Variants in ZNF320 observed in about 807,000 individuals in gnomAD.
ZNF320 encodes the protein zinc finger gene 320.
Under a neutral mutation model 6.8 loss-of-function variants are expected in ZNF320, and 2 were observed. That is an observed-to-expected ratio of 0.29 (90% CI 0.12 to 0.93). ZNF320 has a LOEUF of 0.93. ZNF320 is among the 40% of genes least tolerant of loss of function. ZNF320 has a pLI of 0.55. For synonymous variants in ZNF320, 208 were observed against 203.2 expected, an observed-to-expected ratio of 1.02 and a Z score of -0.20; for missense variants, 472 against 611.0, an observed-to-expected ratio of 0.77 and a Z score of 2.40.
upstream of ZNF320, among the ~76,000 whole-genome samples, chr19:52,899,193 C>G (rs1004212697): frequency 6.6e-6 from 1 of 152,176 alleles, no homozygotes; most frequent in African/African-American, 2.4e-5. Flanking sequence ...GAGCAGTAAG[C>G]AGCTTTTTAT....
At chr19:52,860,294 T>A (rs2094898154), downstream of ZNF320, among the ~76,000 whole-genome samples, 1 of 152,040 alleles carries the variant, frequency 6.6e-6, no homozygotes, top group South Asian at 2.1e-4. Context: ...AACTTATTAT[T>A]TTGTTGATTT....
chr19:52,876,210 A>C lies in ZNF320; in HGVS notation c.*4386T>G, dbSNP rs1422133197. 1 of 152,228 alleles carries C rather than the reference A, an allele frequency of 6.6e-6. No individual in the cohort carries two copies. The highest frequency in any genetic ancestry group is 1.5e-5 in the Non-Finnish European group (1 of 68,038). The allele number at this position is 152,228 out of a possible 1,614,324, so 9.4% of individuals were successfully genotyped here. A position where few individuals can be genotyped will look rare whatever the true frequency, so the allele number is the denominator to read the frequency against. On this transcript the variant is annotated 3_prime_UTR_variant, in exon 6 of 6. Transcript: ENST00000682928. The stretch of plus-strand genomic sequence containing the variant: ...CAACTAAATTTTAATGTTAGCATAA[A>C]GAAAAAGTTCCTTGATATCTTTATC...
At chr19:52,863,243 T>C (rs1343899858) in exon 6 of ZNF320, among the ~76,000 whole-genome samples, 1 of 152,156 alleles carries the variant, frequency 6.6e-6, no homozygotes, top group Non-Finnish European at 1.5e-5. Context: ...CTATGAAATA[T>C]ATAACACATA....
intron 5 of ZNF320, among the ~76,000 whole-genome samples, chr19:52,868,996 G>A (rs2063630755): frequency 6.6e-6 from 1 of 152,106 alleles, no homozygotes; most frequent in Non-Finnish European, 1.5e-5. Context: ...CAATAGGCTG[G>A]TATTTGCATC....
At chr19:52,865,359 A>T in intron 5 of ZNF320, 1 of 323,322 alleles carries the variant, frequency 3.1e-6, no homozygotes, top group Non-Finnish European at 6.0e-6. Flanking sequence ...CATTTTCCTC[A>T]CCCACAGACT....
At chr19:52,865,316 C>A in intron 5 of ZNF320, 1 of 284,074 alleles carries the variant, frequency 3.5e-6, no homozygotes, top group East Asian at 1.0e-4. Flanking sequence ...GAACGGTACC[C>A]CATTTCAAAT....
chr19:52,888,537 G>C (rs954326582), intron 4 of ZNF320: 1 of 167,966 alleles, frequency 6.0e-6, no homozygotes, highest in Non-Finnish European at 1.2e-5. Context: ...AGGCTGAGGT[G>C]GGAGGACGGC....
At position 52,876,209 on chromosome 19, in the gene ZNF320, A is replaced by C. The variant is rs1447077256; in HGVS notation, c.*4387T>G. On this transcript the variant is annotated 3_prime_UTR_variant, in exon 6 of 6. Transcript: ENST00000682928. ...TCAACTAAATTTTAATGTTAGCATA[A>C]AGAAAAAGTTCCTTGATATCTTTAT... is the stretch of plus-strand genomic sequence containing the variant. The C allele has an allele frequency of 1.3e-5, 2 of 152,206 alleles. No homozygotes were observed. Among genetic ancestry groups the C allele is most frequent in the Non-Finnish European group, 2.9e-5 (2 of 68,032 alleles). The allele number at this position is 152,206 out of a possible 1,614,324, so 9.4% of individuals were successfully genotyped here. A position where few individuals can be genotyped will look rare whatever the true frequency, so the allele number is the denominator to read the frequency against.
exon 6 of ZNF320, chr19:52,862,610 G>C: frequency 2.1e-6 from 1 of 483,582 alleles, no homozygotes. Context: ...ACCATGGATT[G>C]CTTGATGGTG....
Position 52,877,180 on chromosome 19 carries a change from G to A in ZNF320, c.*3416C>T, listed in dbSNP as rs968214651. On this transcript the variant is annotated 3_prime_UTR_variant, in exon 6 of 6. Coordinates refer to ENST00000682928, the MANE Select transcript of ZNF320 (RefSeq NM_001351774.2). ...GGGAGAGTCTAAGGCCAATTAACAC[G>A]AACCTCAGGAGGTCCTGATGACGTG... 1.3e-5 allele frequency: 2 copies of A among 152,184 alleles called. No individual in the cohort carries two copies. The highest frequency in any genetic ancestry group is 2.9e-5 in the Non-Finnish European group (2 of 68,072). 9.4% of individuals were successfully genotyped at this position (152,184 alleles called of 1,614,324 possible).
intron 5 of ZNF320, among the ~76,000 whole-genome samples, chr19:52,866,066 TTATATATATGATTATACATATATTTA>T (rs2063560664): frequency 7.2e-5 from 9 of 124,624 alleles, no homozygotes; most frequent in Admixed American, 5.4e-4. Flanking sequence ...ATACATATAT[TTATATATATGATTATACATATATTTA>T]TATATGTATG....
At chr19:52,875,661 G>A (rs1308145925), downstream of ZNF320, among the ~76,000 whole-genome samples, 2 of 151,978 alleles carry the variant, frequency 1.3e-5, no homozygotes, top group African/African-American at 4.8e-5. Context: ...TGCATCTGTG[G>A]TCTCAGCCAT....
In ZNF320 at chr19:52,881,255, G is replaced by T. The variant is rs1007018877; in HGVS notation, c.871C>A (p.His291Asn). The change falls in exon 6 of 6, where the codon CAT becomes AAT. Residue 291 changes from histidine to asparagine, a missense_variant. By Grantham distance (68) the His-to-Asn change is moderately conservative (BLOSUM62 1). Coordinates refer to ENST00000682928, the MANE Select transcript of ZNF320 (RefSeq NM_001351774.2). ...TTCTCTGCAGTATGAACTGCCTTAT[G>T]AATTACGAGGACTGAATTTCGAGCG... is the stretch of plus-strand genomic sequence containing the variant. ...TFARNSVLVIHKAVHTAEKPY... is the reference protein window; with the variant it reads ...TFARNSVLVINKAVHTAEKPY... The T allele has an allele frequency of 1.9e-6, 3 of 1,614,026 alleles. No homozygotes were observed. The African/African-American group carries it at 4.0e-5, about 22-fold the overall frequency.
chr19:52,871,323 C>G (rs989378987), downstream of ZNF320, among the ~76,000 whole-genome samples: 4 of 151,900 alleles, frequency 2.6e-5, no homozygotes, highest in Non-Finnish European at 4.4e-5. Context: ...TTCTCCCACT[C>G]TCTCTCCAAC....
At chr19:52,883,156 C>T (rs1167448741) in intron 5 of ZNF320, among the ~76,000 whole-genome samples, 2 of 152,018 alleles carry the variant, frequency 1.3e-5, no homozygotes, top group Non-Finnish European at 2.9e-5. Context: ...AGTCTCTTGC[C>T]TCAGCTTCCC....
intron 5 of ZNF320, among the ~76,000 whole-genome samples, chr19:52,870,975 T>A (rs1399083411): frequency 2.6e-5 from 4 of 151,686 alleles, no homozygotes; most frequent in African/African-American, 9.7e-5. Flanking sequence ...TGAAATCCCA[T>A]CTCTACTAAG....
chr19:52,898,944 C>T (rs1015093476), upstream of ZNF320, among the ~76,000 whole-genome samples: 1 of 152,204 alleles, frequency 6.6e-6, no homozygotes, highest in African/African-American at 2.4e-5. Flanking sequence ...GTTGTTTTTT[C>T]TTAAAACAGG....
intron 5 of ZNF320, among the ~76,000 whole-genome samples, chr19:52,867,340 G>A (rs893706471): frequency 4.6e-5 from 7 of 151,880 alleles, no homozygotes; most frequent in South Asian, 2.1e-4. Flanking sequence ...TGGGATTACC[G>A]GTACGTGCCA....
At chr19:52,886,808 G>A (rs1008655746) in intron 5 of ZNF320, among the ~76,000 whole-genome samples, 3 of 151,976 alleles carry the variant, frequency 2.0e-5, no homozygotes, top group Non-Finnish European at 2.9e-5. Flanking sequence ...GGTGGTGAGC[G>A]CCTGCAGTCC....
Sources: allele counts gnomAD v4.1 joint callset (sites outside exome capture counted in the v4.1 genomes callset), GRCh38; gene constraint gnomAD v4.1.1; transcripts MANE v1.5; gene names NCBI Gene and HGNC (gene_info 2026-07-23, HGNC 2026-07-21).